TMEM131: variants seen among roughly 807,000 people sequenced by gnomAD.
TMEM131 encodes the protein transmembrane protein 131, also known as 2610524E03Rik.
Under a neutral mutation model 211.6 loss-of-function variants are expected in TMEM131, and 66 were observed. The observed-to-expected ratio is 0.31, with a 90% CI of 0.26 to 0.38. The LOEUF is 0.38. Ranked by LOEUF, TMEM131 falls within the 10% of genes least tolerant of loss-of-function variation. The pLI is 1.00. For synonymous variants in TMEM131, 844 were observed against 841.3 expected (o/e 1.00, Z -0.06); for missense variants, 2,036 against 2,299.3 (o/e 0.89, Z 2.34).
chr2:97,792,959 C>T lies in TMEM131; in HGVS notation c.3571G>A (p.Gly1191Ser), dbSNP rs745383191. The T allele has an allele frequency of 3.3e-5, 52 of 1,596,100 alleles. No homozygotes were observed. Among genetic ancestry groups the T allele is most frequent in the South Asian group, 3.0e-4 (27 of 89,342 alleles). Residue 1191 changes from glycine (G) to serine (S), a missense_variant, in exon 31 of 41, where the codon GGT (glycine) becomes AGT (serine). Gly to Ser is a moderately conservative substitution (Grantham distance 56). This residue lies in a region of TMEM131 where 1,623 missense variants were observed against 1,805.9 expected (regional missense o/e 0.90). Coordinates refer to ENST00000186436, the MANE Select transcript of TMEM131 (RefSeq NM_015348.2). The part of the protein sequence containing the change: ...GNLNTLSCDP[G>S]HSRGFCGAGG... ...GCTCCACAGAACCCCCTACTGTGAC[C>T]GGGGTCACAGCTGAGTGTGTTCAAG... is the stretch of plus-strand genomic sequence containing the variant.
intron 32 of TMEM131, among the ~76,000 whole-genome samples, chr2:97,773,698 G>A (rs1435102690): frequency 6.6e-6 from 1 of 151,882 alleles, no homozygotes; most frequent in Non-Finnish European, 1.5e-5. Context: ...TCACCCCTGG[G>A]CTCAAGTGAT....
intron 1 of TMEM131, among the ~76,000 whole-genome samples, chr2:97,990,257 G>C (rs935057729): frequency 6.6e-6 from 1 of 151,938 alleles, no homozygotes; most frequent in Non-Finnish European, 1.5e-5. Context: ...AGAATGGCCT[G>C]TGATTACTTA....
At chr2:97,785,527 G>A (rs1245815525) in intron 31 of TMEM131, among the ~76,000 whole-genome samples, 1 of 152,196 alleles carries the variant, frequency 6.6e-6, no homozygotes, top group Non-Finnish European at 1.5e-5. Context: ...AGATGCTGCT[G>A]AGGATGTGGA....
chr2:97,903,616 T>C (rs567042431), intron 3 of TMEM131, among the ~76,000 whole-genome samples: 1 of 152,280 alleles, frequency 6.6e-6, no homozygotes, highest in Admixed American at 6.5e-5. Context: ...TTCAGTAATA[T>C]TCCACCAAAA....
At chr2:97,871,031 AAGACATCTATTTTT>A (rs1674469542) in intron 4 of TMEM131, among the ~76,000 whole-genome samples, 1 of 152,228 alleles carries the variant, frequency 6.6e-6, no homozygotes, top group African/African-American at 2.4e-5. Context: ...CTTGACAATA[AAGACATCTATTTTT>A]AGCAATAGTC....
intron 12 of TMEM131, among the ~76,000 whole-genome samples, chr2:97,816,634 G>A (rs148601832): frequency 1.6e-4 from 24 of 152,174 alleles, no homozygotes; most frequent in African/African-American, 5.8e-4. Flanking sequence ...TTCCCATTCA[G>A]CCTCTTATTT....
chr2:97,901,358 TAA>T (rs1265170363), intron 3 of TMEM131, among the ~76,000 whole-genome samples: 1 of 152,184 alleles, frequency 6.6e-6, no homozygotes, highest in Non-Finnish European at 1.5e-5. Context: ...GTCTTAGATA[TAA>T]GTCTTTAATC....
At chr2:97,907,266 A>T (rs527915011) in intron 3 of TMEM131, 1 of 152,354 alleles carries the variant, frequency 6.6e-6, no homozygotes, top group African/African-American at 2.4e-5. Flanking sequence ...AGGTCCCAAC[A>T]GGGCATATAA....
intron 4 of TMEM131, among the ~76,000 whole-genome samples, chr2:97,886,143 T>C (rs1186824916): frequency 1.3e-5 from 2 of 152,192 alleles, no homozygotes; most frequent in African/African-American, 4.8e-5. Flanking sequence ...TGTCTCTTTG[T>C]TGAATTTCTT....
chr2:97,960,942 C>G (rs551426493), intron 1 of TMEM131, among the ~76,000 whole-genome samples: 2 of 152,126 alleles, frequency 1.3e-5, no homozygotes, highest in South Asian at 4.1e-4. Context: ...ACTTCACCAT[C>G]TTAATATAGA....
chr2:97,795,731 T>C (rs1033923590), intron 28 of TMEM131, among the ~76,000 whole-genome samples: 8 of 152,180 alleles, frequency 5.3e-5, no homozygotes, highest in African/African-American at 1.9e-4. Context: ...ATAAACTTTA[T>C]AACAGAACAA....
intron 2 of TMEM131, among the ~76,000 whole-genome samples, chr2:97,910,711 G>A (rs886756853): frequency 6.6e-6 from 1 of 152,076 alleles, no homozygotes; most frequent in African/African-American, 2.4e-5. Context: ...TTTCTCTAAT[G>A]ACCAGTGATG....
At chr2:97,994,877 T>G in intron 1 of TMEM131, among the ~76,000 whole-genome samples, 1 of 152,132 alleles carries the variant, frequency 6.6e-6, no homozygotes, top group East Asian at 1.9e-4. Flanking sequence ...ACATCAAAGA[T>G]AAAGGCACCG....
intron 4 of TMEM131, among the ~76,000 whole-genome samples, chr2:97,883,306 G>C (rs138046527): frequency 2.2e-4 from 34 of 152,250 alleles, no homozygotes; most frequent in African/African-American, 7.0e-4. Flanking sequence ...CTGCTTTGGG[G>C]AACAGTCTTA....
intron 34 of TMEM131, 53 bp downstream of exon 34, chr2:97,766,425 T>C: frequency 6.2e-7 from 1 of 1,612,598 alleles, no homozygotes; most frequent in Non-Finnish European, 8.5e-7. Context: ...GTTAATACGG[T>C]GCACTATGAA....
intron 1 of TMEM131, among the ~76,000 whole-genome samples, chr2:97,938,911 C>T (rs1677578306): frequency 6.6e-6 from 1 of 152,160 alleles, no homozygotes; most frequent in African/African-American, 2.4e-5. Context: ...AACTGAACAA[C>T]CTGCTCCTGA....
At chr2:97,757,405 C>A in intron 40 of TMEM131, 22 bp from the exon 41 acceptor site, 1 of 1,563,470 alleles carries the variant, frequency 6.4e-7, no homozygotes, top group South Asian at 1.2e-5. Flanking sequence ...CAGAAAGCGT[C>A]CAGCACTGAG....
Position 97,812,425 on chromosome 2 carries a change from G to A in TMEM131, c.1859C>T (p.Ser620Leu). The change falls in exon 17 of 41, where the codon TCA (serine) becomes TTA (leucine). Residue 620 changes from serine (S) to leucine (L), a missense_variant. This residue lies in a region of TMEM131 where 1,623 missense variants were observed against 1,805.9 expected (regional missense o/e 0.90). Coordinates refer to ENST00000186436, the MANE Select transcript of TMEM131 (RefSeq NM_015348.2). ...EFEKSSLSDQSSVTLASGYFA... is the reference protein window; with the variant it reads ...EFEKSSLSDQLSVTLASGYFA... The stretch of plus-strand genomic sequence containing the variant: ...GACAATAGAAAGTTTACTTACCGAT[G>A]ATTGATCTGATAAAGAGGATTTTTC... The A allele has an allele frequency of 6.2e-7, 1 of 1,600,232 alleles. No homozygotes were observed. The highest frequency in any genetic ancestry group is 8.5e-7 in the Non-Finnish European group (1 of 1,176,296).
At chr2:97,964,988 C>T (rs1678986078) in intron 1 of TMEM131, among the ~76,000 whole-genome samples, 1 of 152,146 alleles carries the variant, frequency 6.6e-6, no homozygotes, top group South Asian at 2.1e-4. Flanking sequence ...CCACTGGGAG[C>T]CATGGGCGGC....
Sources: allele counts gnomAD v4.1 joint callset (sites outside exome capture counted in the v4.1 genomes callset), GRCh38; gene constraint gnomAD v4.1.1; regional missense constraint gnomAD v4.1.1; transcripts MANE v1.5; gene names NCBI Gene and HGNC (gene_info 2026-07-23, HGNC 2026-07-21).